The following FBN3 variants were observed in gnomAD, a reference collection of about 807,000 sequenced individuals.
FBN3 encodes the protein fibrillin-3.
In FBN3, 234 loss-of-function variants were observed where a neutral mutation model predicts 330.1. The ratio of observed to expected loss-of-function variants is 0.71; its 90% CI spans 0.64 to 0.79. FBN3 has a LOEUF of 0.79. Ranked by LOEUF, FBN3 falls within the 30% of genes least tolerant of loss-of-function variation. FBN3 has a pLI of 0.00. For synonymous variants in FBN3, 1,458 were observed against 1,517.3 expected (o/e 0.96, Z 0.91); for missense variants, 3,606 against 3,886.9 (o/e 0.93, Z 1.92).
At chr19:8,135,936 G>GGCACC in intron 13 of FBN3, 25 bp downstream of exon 13, 1 of 668,776 alleles carries the variant, frequency 1.5e-6, no homozygotes, top group Non-Finnish European at 2.4e-6. Context: ...GGAAGCCCCT[G>GGCACC]CCCACCCGCC....
At chr19:8,119,323 C>T (rs1420629296) in intron 25 of FBN3, among the ~76,000 whole-genome samples, 1 of 152,164 alleles carries the variant, frequency 6.6e-6, no homozygotes, top group African/African-American at 2.4e-5. Context: ...CTGCAGGACA[C>T]GCCAGAAAGC....
chr19:8,123,379 A>G, intron 24 of FBN3, 85 bp downstream of exon 24: 9 of 1,390,254 alleles, frequency 6.5e-6, no homozygotes, highest in Non-Finnish European at 7.9e-6. Flanking sequence ...GAAGAAAAAG[A>G]ACAGGTGTTG....
chr19:8,089,966 G>A lies in FBN3; in HGVS notation c.6185-7C>T, dbSNP rs750468472. On this transcript the variant is annotated splice_polypyrimidine_tract_variant and splice_region_variant and intron_variant, in intron 49 of 63. Coordinates refer to ENST00000600128, the MANE Select transcript of FBN3 (RefSeq NM_032447.5). ...CAGAGCTCCTGAAAGGCAGCTGGAC[G>A]GAGAGGGGGAGGGGAGTCAGAGTCA... 78 of 1,609,164 alleles carry A rather than the reference G, an allele frequency of 4.8e-5. No homozygotes were observed. The highest frequency in any genetic ancestry group is 3.4e-4 in the Admixed American group (20 of 59,682).
intron 63 of FBN3, among the ~76,000 whole-genome samples, chr19:8,067,306 A>G (rs2081415446): frequency 6.6e-6 from 1 of 151,846 alleles, no homozygotes; most frequent in African/African-American, 2.4e-5. Context: ...TTGTATTTTC[A>G]GTAGAGACAG....
chr19:8,105,127 G>A (rs1281976881), intron 38 of FBN3, among the ~76,000 whole-genome samples: 1 of 148,130 alleles, frequency 6.8e-6, no homozygotes, highest in Non-Finnish European at 1.5e-5. Flanking sequence ...GCTAATTTTT[G>A]TATTTTTAGT....
rs2082591446 is a variant in FBN3 at position 8,111,780 on chromosome 19, A to T, written c.3962-10T>A. On this transcript the variant is annotated splice_polypyrimidine_tract_variant and intron_variant, in intron 31 of 63. Coordinates refer to ENST00000600128, the MANE Select transcript of FBN3 (RefSeq NM_032447.5). ...ACGCATTCATCCAGGTCTGCAGGAG[A>T]TGGAGCCCAGACCCCCCACCCCATG... is the stretch of plus-strand genomic sequence containing the variant. The T allele has an allele frequency of 6.2e-7, 1 of 1,611,096 alleles. No homozygotes were observed. The highest frequency in any genetic ancestry group is 1.3e-5 in the African/African-American group (1 of 74,734).
In FBN3 at chr19:8,129,947, G is replaced by C. The variant is rs1443875822; in HGVS notation, c.2045-582C>G. On this transcript the variant is annotated intron_variant, in intron 16 of 63. Transcript: ENST00000600128. The surrounding 1 kb of genome is among the most constrained non-coding windows in gnomAD (Gnocchi z 4.5). ...GGGTCTCACTCTGTCGCACAGGCTGGAGTGCAGTGGTGCGATCTCGGCTCA... is the reference window on the plus strand; with the variant it reads ...GGGTCTCACTCTGTCGCACAGGCTGCAGTGCAGTGGTGCGATCTCGGCTCA... 1.3e-5 allele frequency among the ~76,000 whole-genome samples: 2 copies of C among 151,864 alleles called. No individual in the cohort carries two copies. Among genetic ancestry groups the C allele is most frequent in the African/African-American group, 4.8e-5 (2 of 41,340 alleles).
Position 8,109,655 on chromosome 19 carries a change from T to A in FBN3, c.4432A>T (p.Asn1478Tyr), listed in dbSNP as rs1272089471. The A allele has an allele frequency of 6.3e-7, 1 of 1,590,524 alleles. No homozygotes were observed. ...LCSCPQDFEL[N>Y]PSGVGCVDTR... ...CCCACGCAGCCCACTCCGCTGGGGT[T>A]CAGCTCAAAATCCTGGGGGCAGCTG... The change falls in exon 35 of 64, where the codon AAC becomes TAC. Residue 1478 changes from asparagine (N) to tyrosine (Y), a missense_variant. Physicochemically the swap from Asn to Tyr is moderately radical, Grantham distance 143. Coordinates refer to ENST00000600128, the MANE Select transcript of FBN3 (RefSeq NM_032447.5). The surrounding 1 kb of genome is among the most constrained non-coding windows in gnomAD (Gnocchi z 5.2).
At chr19:8,083,193 C>T (rs1294856621) in intron 57 of FBN3, 54 bp downstream of exon 57, 14 of 1,607,464 alleles carry the variant, frequency 8.7e-6, no homozygotes, top group Admixed American at 1.7e-5. Context: ...TCAGGGGCTG[C>T]ACAGAAGGTG....
At chr19:8,143,994 G>A (rs116125753) in intron 6 of FBN3, among the ~76,000 whole-genome samples, 7 of 149,492 alleles carry the variant, frequency 4.7e-5, no homozygotes, top group Admixed American at 4.0e-4. Flanking sequence ...TTTTTAGAGA[G>A]GGGGGGTGTC....
At position 8,100,807 on chromosome 19, in the gene FBN3, T is replaced by C. The variant is rs577393142; in HGVS notation, c.5161+94A>G. On this transcript the variant is annotated intron_variant, in intron 41 of 63. Coordinates refer to ENST00000600128, the MANE Select transcript of FBN3 (RefSeq NM_032447.5). ...GAGGAGGGGAGGATGGAGGAGTGGATGTAAGGAAAAGAGCTGTTGAGGAGG... is the reference window on the plus strand; with the variant it reads ...GAGGAGGGGAGGATGGAGGAGTGGACGTAAGGAAAAGAGCTGTTGAGGAGG... 8 of 919,354 alleles carry C rather than the reference T, an allele frequency of 8.7e-6. No homozygotes were observed. The Admixed American group carries it at 1.3e-4, about 15-fold the overall frequency. 56.9% of individuals were successfully genotyped at this position (919,354 alleles called of 1,614,324 possible). A position where few individuals can be genotyped will look rare whatever the true frequency, so the allele number is the denominator to read the frequency against.
chr19:8,111,618 G>GGC, intron 32 of FBN3, 30 bp downstream of exon 32: 6 of 1,449,018 alleles, frequency 4.1e-6, no homozygotes, highest in Non-Finnish European at 5.7e-6. Context: ...TCCCTCTAGG[G>GGC]CCCCTGCCCT....
chr19:8,108,739 C>A (rs1192966559), intron 36 of FBN3, among the ~76,000 whole-genome samples: 4 of 152,072 alleles, frequency 2.6e-5, no homozygotes, highest in Non-Finnish European at 5.9e-5. Flanking sequence ...TCCTACACAT[C>A]CTTCAAAACC....
At position 8,096,359 on chromosome 19, in the gene FBN3, G is replaced by T; in HGVS notation, c.5539+85C>A. 1 of 1,494,000 alleles carries T rather than the reference G, an allele frequency of 6.7e-7. No individual in the cohort carries two copies. The highest frequency in any genetic ancestry group is 9.0e-7 in the Non-Finnish European group (1 of 1,106,872). 92.5% of individuals were successfully genotyped at this position (1,494,000 alleles called of 1,614,324 possible). ...CTTGGATCTCTTTGTGAACTAGGATGGACAGAAACACCACTTCCATCCCAG... is the reference window on the plus strand; with the variant it reads ...CTTGGATCTCTTTGTGAACTAGGATTGACAGAAACACCACTTCCATCCCAG... On this transcript the variant is annotated intron_variant, in intron 44 of 63. Transcript: ENST00000600128. This position sits in a 1 kb window ranked among gnomAD's most constrained non-coding sequence, Gnocchi z 4.6.
At chr19:8,143,346 C>T (rs551420351) in intron 6 of FBN3, among the ~76,000 whole-genome samples, 17 of 152,132 alleles carry the variant, frequency 1.1e-4, no homozygotes, top group Non-Finnish European at 2.1e-4. Flanking sequence ...TCCTCCTCCT[C>T]CCTGCCAGGG....
At chr19:8,134,105 G>A (rs1182777465) in intron 13 of FBN3, among the ~76,000 whole-genome samples, 1 of 151,638 alleles carries the variant, frequency 6.6e-6, no homozygotes, top group Non-Finnish European at 1.5e-5. Flanking sequence ...AGCCGGGCGT[G>A]GTGGTGGGTG....
rs1468859412 is a variant in FBN3, at chr19:8,129,027, C to T, written c.2296+1G>A. 2.5e-6 allele frequency: 4 copies of T among 1,611,996 alleles called. No individual in the cohort carries two copies. The highest frequency in any genetic ancestry group is 1.3e-5 in the African/African-American group (1 of 74,900). ...ACCCACGTGAGCCCGGGACCCAGTA[C>T]CTTTGCAGATCTCCGTGTCCTGCCA... On this transcript the variant is annotated splice_donor_variant, in intron 18 of 63. Transcript: ENST00000600128. LOFTEE classifies it high-confidence loss of function. The surrounding 1 kb of genome is among the most constrained non-coding windows in gnomAD (Gnocchi z 4.5).
In FBN3 at chr19:8,108,215, C is replaced by A; in HGVS notation, c.4642G>T (p.Gly1548Cys). ...CGGTTAGGCTGGAAGCCCTCACCAC[C>A]CGGGCACAGGGTTCTGTACTCAGCT... ...NTTEYRTLCP[G>C]GEGFQPNRIT... The change falls in exon 37 of 64, where the codon GGT becomes TGT. Residue 1548 changes from glycine (G) to cysteine (C), a missense_variant. Coordinates refer to ENST00000600128, the MANE Select transcript of FBN3 (RefSeq NM_032447.5). 1 of 1,612,996 alleles carries A rather than the reference C, an allele frequency of 6.2e-7. No individual in the cohort carries two copies. Among genetic ancestry groups the A allele is most frequent in the Non-Finnish European group, 8.5e-7 (1 of 1,179,604 alleles).
chr19:8,148,432 A>T (rs1443967516), intron 1 of FBN3, among the ~76,000 whole-genome samples: 2 of 152,020 alleles, frequency 1.3e-5, no homozygotes, highest in Non-Finnish European at 2.9e-5. Context: ...AACTAAGGCC[A>T]TCACACCATG....
Sources: allele counts gnomAD v4.1 joint callset (sites outside exome capture counted in the v4.1 genomes callset), GRCh38; gene constraint gnomAD v4.1.1; non-coding constraint Gnocchi (gnomAD v3.1); transcripts MANE v1.5; gene names NCBI Gene and HGNC (gene_info 2026-07-23, HGNC 2026-07-21).